The following SGPP2 variants were observed in gnomAD, a reference collection of about 807,000 sequenced individuals.
SGPP2 encodes the protein sphingosine 1-phosphate phosphohydrolase 2.
A neutral mutation model predicts 33.9 loss-of-function variants in SGPP2; 30 were observed. That is an observed-to-expected ratio of 0.89 (90% CI 0.66 to 1.20). The LOEUF (loss-of-function observed/expected upper bound fraction) is 1.20, where lower values mean the gene tolerates loss of function less well. Ranked by LOEUF, SGPP2 falls within the 50% of genes most tolerant of loss-of-function variation. The pLI, the probability that SGPP2 is intolerant of heterozygous loss-of-function variation, is 0.00. For missense variants in SGPP2, 458 were observed against 532.1 expected (o/e 0.86, Z 1.37); for synonymous variants, 233 against 225.0 (o/e 1.04, Z -0.32).
chr2:222,446,557 A>G (rs1300894723), intron 1 of SGPP2, among the ~76,000 whole-genome samples: 1 of 152,196 alleles, frequency 6.6e-6, no homozygotes, highest in Non-Finnish European at 1.5e-5. Flanking sequence ...TAATTTTCTA[A>G]TGTATAAGTC....
chr2:222,515,874 C>A (rs2106128919), intron 2 of SGPP2, among the ~76,000 whole-genome samples: 1 of 151,994 alleles, frequency 6.6e-6, no homozygotes, highest in Middle Eastern at 3.4e-3. Flanking sequence ...ATGGTGAAAC[C>A]CCATCTCTAC....
chr2:222,483,318 T>A (rs1324295295), intron 2 of SGPP2, among the ~76,000 whole-genome samples: 1 of 152,160 alleles, frequency 6.6e-6, no homozygotes, highest in Non-Finnish European at 1.5e-5. Context: ...TTTTTTTTTT[T>A]TTCTGTAGAG....
chr2:222,424,633 TC>T lies in SGPP2; in HGVS notation c.34del (p.Gln12SerfsTer70). On this transcript the variant is annotated frameshift_variant, in exon 1 of 5. Transcript: ENST00000321276. LOFTEE classifies it high-confidence loss of function. ...CGAGCTGCTGCGGAGCCTGCAGGAT[TC>T]CCAGCTCGTCGCCCGCTTCCAGCGC... MAELLRSLQD[S>X]QLVARFQRRC... 1 of 1,420,926 alleles carries T rather than the reference TC, an allele frequency of 7.0e-7. No homozygotes were observed. The allele number at this position is 1,420,926 out of a possible 1,614,324, so 88.0% of individuals were successfully genotyped here.
At chr2:222,532,229 G>A (rs984804376) in intron 4 of SGPP2, among the ~76,000 whole-genome samples, 4 of 151,890 alleles carry the variant, frequency 2.6e-5, no homozygotes, top group Non-Finnish European at 5.9e-5. Flanking sequence ...AGCCGAGATC[G>A]CGCCATTGCA....
chr2:222,478,703 G>C (rs550142425), intron 2 of SGPP2, among the ~76,000 whole-genome samples: 5 of 152,280 alleles, frequency 3.3e-5, no homozygotes, highest in African/African-American at 1.2e-4. Flanking sequence ...ATTGTCACTG[G>C]ATGAAGCCCC....
At position 222,522,564 on chromosome 2, in the gene SGPP2, A is replaced by C. The variant is rs148845253; in HGVS notation, c.558+618A>C. Among the ~76,000 whole-genome samples, 24 of 152,372 alleles carry C rather than the reference A, an allele frequency of 1.6e-4. No individual in the cohort carries two copies. In the Middle Eastern group the frequency reaches 0.017, roughly 108 times the overall value. ...ATGCCAATTATAGTAAGACTTAAAC[A>C]GTTATATTATTACAGCAATGGAAGT... On this transcript the variant is annotated intron_variant, in intron 3 of 4. Coordinates refer to ENST00000321276, the MANE Select transcript of SGPP2 (RefSeq NM_152386.4).
At chr2:222,526,415 C>T (rs1201970504) in intron 4 of SGPP2, among the ~76,000 whole-genome samples, 3 of 152,188 alleles carry the variant, frequency 2.0e-5, no homozygotes, top group South Asian at 2.1e-4. Flanking sequence ...CCCCATCCCA[C>T]GTCACACCAC....
intron 2 of SGPP2, among the ~76,000 whole-genome samples, chr2:222,478,405 G>A (rs1257791206): frequency 6.6e-6 from 1 of 152,018 alleles, no homozygotes; most frequent in Non-Finnish European, 1.5e-5. Flanking sequence ...GGAAGGGCAA[G>A]TCCCGGAGGT....
At chr2:222,474,818 T>C (rs1377800339) in intron 2 of SGPP2, 92 bp downstream of exon 2, 19 of 533,076 alleles carry the variant, frequency 3.6e-5, no homozygotes, top group East Asian at 8.6e-5. Context: ...TTCTTTCTTT[T>C]TTTTTTTTTT....
intron 2 of SGPP2, among the ~76,000 whole-genome samples, chr2:222,518,291 A>G (rs1427424220): frequency 2.6e-5 from 4 of 152,248 alleles, no homozygotes. Flanking sequence ...ATAGAAGGTG[A>G]AATATAAATG....
rs536845374 is a variant in SGPP2, at chr2:222,440,816, C to T, written c.219+15995C>T. The stretch of plus-strand genomic sequence containing the variant: ...GTCATTAATCCCCGTCTTCACCCAC[C>T]GCAGAACATCAGCTTTCAGCCTAGC... On this transcript the variant is annotated intron_variant, in intron 1 of 4. Coordinates refer to ENST00000321276, the MANE Select transcript of SGPP2 (RefSeq NM_152386.4). Among the ~76,000 whole-genome samples the T allele has an allele frequency of 4.6e-5, 7 of 152,106 alleles. No individual in the cohort carries two copies. The South Asian group carries it at 8.3e-4, about 18-fold the overall frequency.
chr2:222,553,455 T>C (rs1381116745), intron 4 of SGPP2, among the ~76,000 whole-genome samples: 1 of 151,968 alleles, frequency 6.6e-6, no homozygotes, highest in Non-Finnish European at 1.5e-5. Context: ...ATAGAAGACT[T>C]TGTAAACCTC....
intron 2 of SGPP2, among the ~76,000 whole-genome samples, chr2:222,494,800 T>C (rs113780500): frequency 1.5e-3 from 231 of 152,368 alleles, no homozygotes; most frequent in African/African-American, 5.2e-3. Flanking sequence ...CCTCTCTTTT[T>C]TCCCCCCTCT....
At chr2:222,515,768 G>T (rs1005269046) in intron 2 of SGPP2, among the ~76,000 whole-genome samples, 17 of 152,144 alleles carry the variant, frequency 1.1e-4, no homozygotes, top group Non-Finnish European at 5.9e-5. Context: ...GTTGAGCGTG[G>T]TGGCTCATGC....
At chr2:222,548,582 G>A (rs1689241155) in intron 4 of SGPP2, among the ~76,000 whole-genome samples, 1 of 152,198 alleles carries the variant, frequency 6.6e-6, no homozygotes, top group African/African-American at 2.4e-5. Flanking sequence ...CGGTGACAGA[G>A]TGCCCACTCA....
chr2:222,475,801 G>A (rs1338110947), intron 2 of SGPP2, among the ~76,000 whole-genome samples: 2 of 152,178 alleles, frequency 1.3e-5, no homozygotes, highest in African/African-American at 4.8e-5. Context: ...TGTAGGTTTG[G>A]TATCAGAGAG....
intron 2 of SGPP2, among the ~76,000 whole-genome samples, chr2:222,487,819 T>C (rs76047897): frequency 0.012 from 1,814 of 152,226 alleles, 31 homozygotes; most frequent in African/African-American, 0.041. Flanking sequence ...GCAAATAGCA[T>C]GCAGTTTATA....
intron 2 of SGPP2, among the ~76,000 whole-genome samples, chr2:222,479,073 C>G (rs1697991217): frequency 6.6e-6 from 1 of 152,090 alleles, no homozygotes; most frequent in Admixed American, 6.6e-5. Flanking sequence ...TATTACCAGC[C>G]CACTTTACAG....
chr2:222,467,326 C>T (rs1697761690), intron 1 of SGPP2, among the ~76,000 whole-genome samples: 2 of 152,192 alleles, frequency 1.3e-5, no homozygotes, highest in African/African-American at 2.4e-5. Flanking sequence ...CCATCATCAT[C>T]GTCATCAACA....
Sources: gnomAD v4.1 joint callset for allele counts (sites outside exome capture counted in the v4.1 genomes callset) on GRCh38, gnomAD v4.1.1 for gene constraint, MANE v1.5 for transcripts, NCBI Gene and HGNC (gene_info 2026-07-23, HGNC 2026-07-21) for gene names.